OPCML: variants seen among roughly 807,000 people sequenced by gnomAD.
OPCML encodes the protein opioid-binding protein/cell adhesion molecule.
OPCML carries 13 observed loss-of-function variants against 37.8 expected under a neutral mutation model. The observed-to-expected ratio is 0.34, with a 90% CI of 0.22 to 0.55. OPCML has a LOEUF of 0.55. OPCML is among the 20% of genes least tolerant of loss of function. The pLI, the probability that OPCML is intolerant of heterozygous loss-of-function variation, is 0.91. For missense variants in OPCML, 341 were observed against 435.6 expected (o/e 0.78, Z 1.93); for synonymous variants, 176 against 168.8 (o/e 1.04, Z -0.33).
intron 2 of OPCML, among the ~76,000 whole-genome samples, chr11:132,814,772 T>TG (rs1435770236): frequency 6.6e-6 from 1 of 152,090 alleles, no homozygotes; most frequent in African/African-American, 2.4e-5. Flanking sequence ...GAATTTGCTA[T>TG]GGGGGGCTGT....
At chr11:132,614,948 G>T (rs1386814189) in intron 3 of OPCML, among the ~76,000 whole-genome samples, 1 of 152,084 alleles carries the variant, frequency 6.6e-6, no homozygotes, top group Non-Finnish European at 1.5e-5. Flanking sequence ...AGTTTTTATT[G>T]CCAGTCAGCT....
intron 2 of OPCML, among the ~76,000 whole-genome samples, chr11:132,934,927 G>A (rs116843449): frequency 0.02 from 2,993 of 152,166 alleles, 36 homozygotes; most frequent in South Asian, 0.055. Context: ...AACACCTGTG[G>A]TAGGGAGTTC....
At chr11:133,445,252 G>C (rs561678176) in intron 1 of OPCML, among the ~76,000 whole-genome samples, 1 of 152,058 alleles carries the variant, frequency 6.6e-6, no homozygotes, top group Non-Finnish European at 1.5e-5. Context: ...GGTATGAAAG[G>C]TCACCAAGAG....
intron 1 of OPCML, among the ~76,000 whole-genome samples, chr11:133,509,178 A>G (rs187687958): frequency 2.0e-5 from 3 of 152,188 alleles, no homozygotes; most frequent in African/African-American, 7.2e-5. Context: ...CCTAGGTATT[A>G]AGGCCCGGAT....
chr11:133,176,747 A>G (rs1301240397), intron 1 of OPCML, among the ~76,000 whole-genome samples: 1 of 152,176 alleles, frequency 6.6e-6, no homozygotes, highest in Non-Finnish European at 1.5e-5. Context: ...CCAATTAAGC[A>G]TCTTTTCTTT....
chr11:132,516,110 C>T (rs1040620358), intron 4 of OPCML, among the ~76,000 whole-genome samples: 66 of 152,164 alleles, frequency 4.3e-4, no homozygotes, highest in Non-Finnish European at 1.6e-4. Flanking sequence ...TCTTCCAGAT[C>T]ACAGATCACC....
At chr11:132,939,425 C>T (rs1170461425) in intron 2 of OPCML, among the ~76,000 whole-genome samples, 1 of 152,214 alleles carries the variant, frequency 6.6e-6, no homozygotes, top group Non-Finnish European at 1.5e-5. Flanking sequence ...AATCCCAGAT[C>T]AGCAAGCCTG....
chr11:132,988,243 C>G (rs1946714873), intron 1 of OPCML, among the ~76,000 whole-genome samples: 1 of 152,164 alleles, frequency 6.6e-6, no homozygotes, highest in Admixed American at 6.5e-5. Flanking sequence ...TTCTCCTCCT[C>G]TGTTTTAACC....
intron 1 of OPCML, among the ~76,000 whole-genome samples, chr11:133,123,507 C>T (rs116665357): frequency 0.015 from 2,221 of 152,226 alleles, 49 homozygotes; most frequent in African/African-American, 0.052. Context: ...TGTGCCTGAG[C>T]CAAGGGCAGC....
chr11:133,246,260 C>A (rs1233295884), intron 1 of OPCML, among the ~76,000 whole-genome samples: 1 of 152,158 alleles, frequency 6.6e-6, no homozygotes. Context: ...GTGTCTTAGA[C>A]ATTGAGGATA....
At chr11:133,345,436 G>A (rs951713151) in intron 1 of OPCML, among the ~76,000 whole-genome samples, 1 of 152,088 alleles carries the variant, frequency 6.6e-6, no homozygotes, top group Non-Finnish European at 1.5e-5. Context: ...TATTTATCTT[G>A]CCACCCATCC....
chr11:133,075,137 C>T (rs564990196), intron 1 of OPCML, among the ~76,000 whole-genome samples: 1 of 152,266 alleles, frequency 6.6e-6, no homozygotes, highest in South Asian at 2.1e-4. Context: ...CAAGGCTCAC[C>T]TCCTCCCCAT....
intron 1 of OPCML, among the ~76,000 whole-genome samples, chr11:132,998,713 G>A (rs1373872166): frequency 6.6e-6 from 1 of 152,114 alleles, no homozygotes; most frequent in Non-Finnish European, 1.5e-5. Context: ...TCATGAGGAT[G>A]GAGCCCTCAT....
intron 1 of OPCML, among the ~76,000 whole-genome samples, chr11:133,327,379 G>A (rs1398855276): frequency 6.6e-6 from 1 of 151,928 alleles, no homozygotes; most frequent in African/African-American, 2.4e-5. Context: ...GTGTTTCAGT[G>A]TATTTACGCT....
chr11:133,356,775 A>G (rs945840497), intron 1 of OPCML, among the ~76,000 whole-genome samples: 5 of 152,196 alleles, frequency 3.3e-5, no homozygotes, highest in Non-Finnish European at 5.9e-5. Flanking sequence ...CAGGAACAGG[A>G]CATATATTAA....
chr11:133,483,393 T>C (rs1947425154), intron 1 of OPCML, among the ~76,000 whole-genome samples: 1 of 151,376 alleles, frequency 6.6e-6, no homozygotes, highest in Non-Finnish European at 1.5e-5. Flanking sequence ...ATAACATAGA[T>C]AAATAGATGA....
chr11:132,991,909 A>G (rs750696986), intron 1 of OPCML, among the ~76,000 whole-genome samples: 70 of 151,988 alleles, frequency 4.6e-4, no homozygotes, highest in Non-Finnish European at 7.1e-4. Flanking sequence ...CTACATTGCC[A>G]ACACTGTCTG....
At chr11:133,310,153 C>A (rs1006803681) in intron 1 of OPCML, among the ~76,000 whole-genome samples, 16 of 152,292 alleles carry the variant, frequency 1.1e-4, no homozygotes, top group African/African-American at 3.4e-4. Context: ...AACTCTTGTT[C>A]GCACAAATCT....
At chr11:132,532,071 C>T (rs988071981) in intron 3 of OPCML, among the ~76,000 whole-genome samples, 1 of 151,986 alleles carries the variant, frequency 6.6e-6, no homozygotes, top group African/African-American at 2.4e-5. Flanking sequence ...CCACAGACAT[C>T]GTATCTCATG....
Sources: gnomAD v4.1 joint callset for allele counts (sites outside exome capture counted in the v4.1 genomes callset) on GRCh38, gnomAD v4.1.1 for gene constraint, MANE v1.5 for transcripts, NCBI Gene and HGNC (gene_info 2026-07-23, HGNC 2026-07-21) for gene names.